Variants in NLRC5 observed in about 807,000 individuals in gnomAD.
The protein encoded by NLRC5 is protein NLRC5.
A neutral mutation model predicts 206.9 loss-of-function variants in NLRC5; 114 were observed. The ratio of observed to expected loss-of-function variants is 0.55; its 90% CI spans 0.47 to 0.64. NLRC5 has a LOEUF of 0.64. Among genes scored for constraint, NLRC5 ranks in the 30% least tolerant of loss-of-function variants. The pLI is 0.00. For missense variants in NLRC5, 2,008 were observed against 2,305.5 expected (o/e 0.87, Z 2.64); for synonymous variants, 952 against 962.8 (o/e 0.99, Z 0.21).
chr16:57,023,664 A>T, intron 4 of NLRC5, 121 bp from the exon 5 acceptor site: 3 of 712,378 alleles, frequency 4.2e-6, no homozygotes, highest in Non-Finnish European at 7.2e-6. Context: ...CAGTCCCTGC[A>T]TGTGGGTGTA....
intron 1 of NLRC5, among the ~76,000 whole-genome samples, chr16:57,016,039 A>G (rs1173843049): frequency 6.6e-6 from 1 of 152,018 alleles, no homozygotes; most frequent in African/African-American, 2.4e-5. Context: ...ACATGGTGAA[A>G]CCTAGTCTCT....
intron 13 of NLRC5, 73 bp downstream of exon 13, chr16:57,034,324 T>TG: frequency 4.2e-6 from 3 of 710,496 alleles, no homozygotes; most frequent in Non-Finnish European, 7.1e-6. Flanking sequence ...GCCTCGCCTT[T>TG]GGGTGGGTGG....
chr16:57,058,942 C>T (rs769180897), intron 28 of NLRC5, 30 bp from the exon 29 acceptor site: 2 of 1,598,326 alleles, frequency 1.3e-6, no homozygotes, highest in South Asian at 1.1e-5. Flanking sequence ...CCTGCCCTCA[C>T]TCCCATTCTC....
intron 48 of NLRC5, among the ~76,000 whole-genome samples, 171 bp from the exon 49 acceptor site, chr16:57,082,246 C>G (rs1239098855): frequency 6.6e-6 from 1 of 152,196 alleles, no homozygotes; most frequent in African/African-American, 2.4e-5. Context: ...ACTCAGGAGG[C>G]AGGTGTGGGG....
intron 2 of NLRC5, among the ~76,000 whole-genome samples, chr16:57,019,460 G>A (rs1648975420): frequency 6.6e-6 from 1 of 152,228 alleles, no homozygotes; most frequent in Admixed American, 6.5e-5. Flanking sequence ...GATGGTCTGT[G>A]TTAGCTAGGA....
chr16:57,050,351 GC>G (rs1411394399), intron 23 of NLRC5, among the ~76,000 whole-genome samples: 2 of 152,150 alleles, frequency 1.3e-5, no homozygotes, highest in African/African-American at 2.4e-5. Context: ...GCCCTACCCT[GC>G]CCCCCAGCTC....
At chr16:57,063,756 T>G (rs1242595550) in intron 32 of NLRC5, among the ~76,000 whole-genome samples, 2 of 152,082 alleles carry the variant, frequency 1.3e-5, no homozygotes, top group Non-Finnish European at 2.9e-5. Flanking sequence ...TTTTTTTTTT[T>G]GAGACGGAGT....
At chr16:57,008,755 T>A (rs2059180954) in intron 1 of NLRC5, among the ~76,000 whole-genome samples, 1 of 152,128 alleles carries the variant, frequency 6.6e-6, no homozygotes, top group Non-Finnish European at 1.5e-5. Flanking sequence ...AGCCTAGCAA[T>A]GGCTTAAGCA....
At chr16:57,077,457 C>A in intron 41 of NLRC5, 78 bp downstream of exon 41, 1 of 1,354,016 alleles carries the variant, frequency 7.4e-7, no homozygotes, top group Non-Finnish European at 1.0e-6. Context: ...TAGCTGAGGC[C>A]AGCATGGTAA....
chr16:57,073,356 G>A (rs2068003558), intron 38 of NLRC5, among the ~76,000 whole-genome samples: 1 of 152,140 alleles, frequency 6.6e-6, no homozygotes, highest in South Asian at 2.1e-4. Flanking sequence ...CTCCCCACAG[G>A]CAGTTACCCT....
rs540821063 is a variant in NLRC5 at position 57,037,134 on chromosome 16, G to A, written c.2712-61G>A. 13 of 1,379,102 alleles carry A rather than the reference G, an allele frequency of 9.4e-6. No homozygotes were observed. In the East Asian group the frequency reaches 1.6e-4, roughly 17 times the overall value. 85.4% of individuals were successfully genotyped at this position (1,379,102 alleles called of 1,614,324 possible). A position where few individuals can be genotyped will look rare whatever the true frequency, so the allele number is the denominator to read the frequency against. On this transcript the variant is annotated intron_variant, in intron 14 of 48. Coordinates refer to ENST00000688547, the MANE Select transcript of NLRC5 (RefSeq NM_001384950.1). ...TGCTGAGCCACAGGGAGGGGCTAGA[G>A]CTGGCTGGGGCTGGGTACCTCAGCC...
intron 24 of NLRC5, chr16:57,052,607 A>G (rs1304090646): frequency 2.0e-5 from 3 of 152,198 alleles, no homozygotes; most frequent in Non-Finnish European, 2.9e-5. Context: ...AGTAAATCAT[A>G]ATGTTAATAA....
In NLRC5 at chr16:57,061,718, T is replaced by C; in HGVS notation, c.4154+17T>C. The C allele has an allele frequency of 6.3e-7, 1 of 1,594,388 alleles. No individual in the cohort carries two copies. Among genetic ancestry groups the C allele is most frequent in the Non-Finnish European group, 8.5e-7 (1 of 1,173,082 alleles). On this transcript the variant is annotated intron_variant, in intron 32 of 48. Coordinates refer to ENST00000688547, the MANE Select transcript of NLRC5 (RefSeq NM_001384950.1). ...CAGCCTCAGGTACCTCCTCCCCCGC[T>C]GCCTCCGGGAGGGGCCATGGCATGA...
At chr16:57,058,507 C>T (rs1397222299) in intron 28 of NLRC5, 9 of 343,632 alleles carry the variant, frequency 2.6e-5, no homozygotes, top group African/African-American at 1.7e-4. Flanking sequence ...CCCTGAAATT[C>T]TTCTGACCCA....
chr16:57,047,424 G>T, intron 22 of NLRC5, 121 bp from the exon 23 acceptor site: 1 of 813,222 alleles, frequency 1.2e-6, no homozygotes, highest in South Asian at 1.6e-5. Flanking sequence ...CCCCACAGGG[G>T]AAGGGGCCTG....
Position 57,077,749 on chromosome 16 carries a change from G to C in NLRC5, c.4950G>C (p.Gly1650=), listed in dbSNP as rs765638664. 1.9e-6 allele frequency: 3 copies of C among 1,603,724 alleles called. No homozygotes were observed. Among genetic ancestry groups the C allele is most frequent in the South Asian group, 1.1e-5 (1 of 89,708 alleles). The change falls in exon 42 of 49, where the codon GGG becomes GGC. Residue 1650 remains glycine, a synonymous_variant. Transcript: ENST00000688547. The part of the protein sequence containing the change: ...DLSGNSISSA[G]GVQLAESLVL... ...CAGGGAATAGCATCAGCTCAGCCGG[G>C]GGAGTGCAGTTGGCAGAGTCTCTCG...
rs886366990 is a variant in NLRC5, at chr16:56,995,004, G to A, written c.-128+5387G>A. On this transcript the variant is annotated intron_variant, in intron 1 of 48. Transcript: ENST00000688547. Reference sequence around the variant, plus strand: ...AGCCTGGCCAACATGGAGAAGCCCCGTCTCTCCTAAAAATACAAAAATAGC... The same window carrying A: ...AGCCTGGCCAACATGGAGAAGCCCCATCTCTCCTAAAAATACAAAAATAGC... 5.3e-5 allele frequency among the ~76,000 whole-genome samples: 8 copies of A among 152,078 alleles called. No individual in the cohort carries two copies. The East Asian group carries it at 5.8e-4, about 11-fold the overall frequency.
chr16:57,057,651 A>G (rs2065857625), intron 27 of NLRC5, among the ~76,000 whole-genome samples: 1 of 152,192 alleles, frequency 6.6e-6, no homozygotes, highest in African/African-American at 2.4e-5. Context: ...TTTTTCTTTA[A>G]CCCTTGAAAG....
intron 1 of NLRC5, among the ~76,000 whole-genome samples, chr16:56,995,586 T>C (rs1597055719): frequency 6.7e-6 from 1 of 148,832 alleles, no homozygotes; most frequent in Non-Finnish European, 1.5e-5. Context: ...CCCCAGCACC[T>C]ATCCCTTGTG....
Sources: allele counts gnomAD v4.1 joint callset (sites outside exome capture counted in the v4.1 genomes callset), GRCh38; gene constraint gnomAD v4.1.1; transcripts MANE v1.5; gene names NCBI Gene and HGNC (gene_info 2026-07-23, HGNC 2026-07-21).